CCDC14: variants seen among roughly 807,000 people sequenced by gnomAD.
The protein encoded by CCDC14 is coiled-coil domain-containing protein 14.
Under a neutral mutation model 81.4 loss-of-function variants are expected in CCDC14, and 71 were observed. The ratio of observed to expected loss-of-function variants is 0.87; its 90% confidence interval spans 0.72 to 1.06. The LOEUF (loss-of-function observed/expected upper bound fraction) is 1.06, where lower values mean the gene tolerates loss of function less well. CCDC14 is among the 50% of genes least tolerant of loss of function. The pLI is 0.00. For missense variants in CCDC14, 1,046 were observed against 1,047.3 expected (o/e 1.00, Z 0.02); for synonymous variants, 332 against 364.8 (o/e 0.91, Z 1.03).
At chr3:123,917,222 G>A (rs968464143) in intron 12 of CCDC14, among the ~76,000 whole-genome samples, 2 of 151,618 alleles carry the variant, frequency 1.3e-5, no homozygotes, top group African/African-American at 4.8e-5. Flanking sequence ...GGCTGGGCAT[G>A]GTGGCTCATG....
downstream of CCDC14, among the ~76,000 whole-genome samples, chr3:123,910,900 A>C (rs1467295986): frequency 6.6e-6 from 1 of 152,158 alleles, no homozygotes; most frequent in African/African-American, 2.4e-5. Flanking sequence ...AAAATGAATC[A>C]ATCCTGGTCC....
At chr3:123,913,346 A>G (rs2034490299), downstream of CCDC14, 1 of 981,026 alleles carries the variant, frequency 1.0e-6, no homozygotes, top group African/African-American at 1.8e-5. Context: ...GCCAAATAGG[A>G]TTACCAGGTA....
At position 123,955,923 on chromosome 3, in the gene CCDC14, G is replaced by C. The variant is rs1186433693; in HGVS notation, c.272C>G (p.Pro91Arg). ...TGATCCGTATCTTTTGCTTTCTAAA[G>C]GTCTAGAATTAGATCTGTTTTCTAA... ...AYLENRSNSR[P>R]LESKRYGSKK... The change falls in exon 5 of 13, where the codon CCT becomes CGT. Residue 91 changes from proline (P) to arginine (R), a missense_variant. Coordinates refer to ENST00000409697, the MANE Select transcript of CCDC14 (RefSeq NM_001366335.1). 3.9e-6 allele frequency: 6 copies of C among 1,533,350 alleles called. No homozygotes were observed. Among genetic ancestry groups the C allele is most frequent in the Non-Finnish European group, 5.3e-6 (6 of 1,135,890 alleles). The allele number at this position is 1,533,350 out of a possible 1,614,324, so 95.0% of individuals were successfully genotyped here.
intron 7 of CCDC14, among the ~76,000 whole-genome samples, chr3:123,947,657 G>T: frequency 6.6e-6 from 1 of 152,066 alleles, no homozygotes; most frequent in East Asian, 1.9e-4. Context: ...TAAACCATCT[G>T]TGGTATTTGT....
chr3:123,921,418 C>T (rs2035036427), intron 12 of CCDC14, among the ~76,000 whole-genome samples: 1 of 152,086 alleles, frequency 6.6e-6, no homozygotes, highest in African/African-American at 2.4e-5. Context: ...AAGTCAAAAA[C>T]TGTAAAAAGA....
intron 9 of CCDC14, among the ~76,000 whole-genome samples, chr3:123,937,044 T>C (rs532885660): frequency 6.6e-6 from 1 of 152,254 alleles, no homozygotes; most frequent in South Asian, 2.1e-4. Flanking sequence ...CATGTATCAA[T>C]AGTTCTTACC....
intron 12 of CCDC14, among the ~76,000 whole-genome samples, chr3:123,928,619 A>G (rs1304838305): frequency 6.6e-6 from 1 of 152,226 alleles, no homozygotes; most frequent in African/African-American, 2.4e-5. Flanking sequence ...GTAATTAAAT[A>G]TTTTTATGTA....
intron 9 of CCDC14, among the ~76,000 whole-genome samples, chr3:123,940,085 T>C (rs761253142): frequency 8.6e-5 from 13 of 151,566 alleles, no homozygotes; most frequent in Non-Finnish European, 1.6e-4. Flanking sequence ...AAGCTAAGGG[T>C]AGTAGGAGAC....
chr3:123,926,017 C>T (rs982464814), intron 12 of CCDC14, among the ~76,000 whole-genome samples: 2 of 151,126 alleles, frequency 1.3e-5, no homozygotes, highest in African/African-American at 4.9e-5. Context: ...GAATAATGAC[C>T]CACTAATTAA....
rs746679520 is a variant in CCDC14, at chr3:123,915,016, C to T, written c.2481G>A (p.Glu827=). ...ATGGGCCATGACATGCAGTTTGTTC[C>T]TCTGGCTCCTTGGTGGCAGCAGGGA... ...GKIPAATKEP[E]EQTACHGPSG... is the part of the protein sequence containing the mutation. The change falls in exon 13 of 13, where the codon GAG becomes GAA. Residue 827 remains glutamate (E), a synonymous_variant. Transcript: ENST00000409697. 1.9e-6 allele frequency: 3 copies of T among 1,614,026 alleles called. No individual in the cohort carries two copies. The highest frequency in any genetic ancestry group is 1.1e-5 in the South Asian group (1 of 91,066).
At chr3:123,908,246 G>A (rs547055689) in intron 5 of CCDC14, among the ~76,000 whole-genome samples, 3 of 152,114 alleles carry the variant, frequency 2.0e-5, no homozygotes, top group Non-Finnish European at 2.9e-5. Context: ...TTGGTGTTGC[G>A]ATCTTTCCTC....
chr3:123,897,528 C>A (rs1416325231), exon 6 of CCDC14: 3 of 832,532 alleles, frequency 3.6e-6, no homozygotes, highest in Non-Finnish European at 3.3e-6. Flanking sequence ...TTGTTCAGAG[C>A]AGTTCTGCTT....
At chr3:123,940,555 T>C (rs767447785) in intron 9 of CCDC14, among the ~76,000 whole-genome samples, 3 of 152,026 alleles carry the variant, frequency 2.0e-5, no homozygotes, top group Non-Finnish European at 2.9e-5. Flanking sequence ...CCTGTGACTT[T>C]TGTGATGTCA....
downstream of CCDC14, chr3:123,897,503 T>C: frequency 1.9e-6 from 1 of 532,634 alleles, no homozygotes; most frequent in Non-Finnish European, 2.8e-6. Context: ...AGGACTCAGA[T>C]CTCCCACCTC....
At chr3:123,892,084 A>C in the CCDC14 span, among the ~76,000 whole-genome samples, 1 of 152,186 alleles carries the variant, frequency 6.6e-6, no homozygotes, top group Non-Finnish European at 1.5e-5. Flanking sequence ...TGAGAAAAGC[A>C]CAGGAAAGAC....
chr3:123,904,278 C>G (rs568251323), intron 5 of CCDC14, among the ~76,000 whole-genome samples: 2 of 152,084 alleles, frequency 1.3e-5, no homozygotes, highest in South Asian at 4.2e-4. Context: ...GACCAGCTAT[C>G]TCTGAGGTCT....
At chr3:123,946,110 T>C (rs542816032) in intron 8 of CCDC14, among the ~76,000 whole-genome samples, 141 of 151,888 alleles carry the variant, frequency 9.3e-4, no homozygotes, top group African/African-American at 3.1e-3. Flanking sequence ...CTAATGGTGC[T>C]ACATTTATAT....
chr3:123,933,782 T>C (rs1006003535), intron 9 of CCDC14, 27 bp from the exon 10 acceptor site: 1 of 1,490,002 alleles, frequency 6.7e-7, no homozygotes, highest in Non-Finnish European at 9.2e-7. Context: ...GAACTATGAA[T>C]GCAAGCATAC....
At chr3:123,919,955 ATCT>A (rs1442551185) in intron 12 of CCDC14, among the ~76,000 whole-genome samples, 4 of 152,242 alleles carry the variant, frequency 2.6e-5, no homozygotes, top group African/African-American at 9.6e-5. Flanking sequence ...ATTGAGAATA[ATCT>A]TCTCTTTAAA....
Sources: gnomAD v4.1 joint callset for allele counts (sites outside exome capture counted in the v4.1 genomes callset) on GRCh38, gnomAD v4.1.1 for gene constraint, MANE v1.5 for transcripts, NCBI Gene and HGNC (gene_info 2026-07-23, HGNC 2026-07-21) for gene names.